The following MACO1 variants were observed in gnomAD, a reference collection of about 807,000 sequenced individuals.
The protein encoded by MACO1 is macoilin 1, also known as macoilin.
A neutral mutation model predicts 78.7 loss-of-function variants in MACO1; 14 were observed. The ratio of observed to expected loss-of-function variants is 0.18; its 90% confidence interval spans 0.12 to 0.28. MACO1 has a LOEUF of 0.28. Ranked by LOEUF, MACO1 falls within the 10% of genes least tolerant of loss-of-function variation. The pLI is 1.00. For missense variants in MACO1, 501 were observed against 799.0 expected (o/e 0.63, Z 4.50); for synonymous variants, 288 against 291.6 (o/e 0.99, Z 0.12).
chr1:25,497,855 C>T lies in MACO1; in HGVS notation c.1793-409C>T, dbSNP rs533993500. ...CGCCAGCCCTCTTACGCTGTCATAGCTGACTGCCATGTTCAAAACGTGGTT... is the reference window on the plus strand; with the variant it reads ...CGCCAGCCCTCTTACGCTGTCATAGTTGACTGCCATGTTCAAAACGTGGTT... On this transcript the variant is annotated intron_variant, in intron 10 of 10. Coordinates refer to ENST00000374343, the MANE Select transcript of MACO1 (RefSeq NM_018202.6). 3.3e-5 allele frequency among the ~76,000 whole-genome samples: 5 copies of T among 152,340 alleles called. No homozygotes were observed. The East Asian group carries it at 9.6e-4, about 29-fold the overall frequency.
chr1:25,493,207 A>G lies in MACO1; in HGVS notation c.1792+1623A>G, dbSNP rs534942831. On this transcript the variant is annotated intron_variant, in intron 10 of 10. Coordinates refer to ENST00000374343, the MANE Select transcript of MACO1 (RefSeq NM_018202.6). Reference sequence around the variant, plus strand: ...TATTTCAAGTGGATTATATCTATCAATATTTACCTACTAGAAATTAAAACT... The same window carrying G: ...TATTTCAAGTGGATTATATCTATCAGTATTTACCTACTAGAAATTAAAACT... Among the ~76,000 whole-genome samples the G allele has an allele frequency of 3.9e-5, 6 of 152,284 alleles. No individual in the cohort carries two copies. In the East Asian group the frequency reaches 1.2e-3, roughly 29 times the overall value.
At chr1:25,492,461 A>G (rs1402159600) in intron 10 of MACO1, among the ~76,000 whole-genome samples, 1 of 152,098 alleles carries the variant, frequency 6.6e-6, no homozygotes, top group Non-Finnish European at 1.5e-5. Context: ...TGAGCCGTGT[A>G]AAGAGCTGGA....
intron 6 of MACO1, among the ~76,000 whole-genome samples, chr1:25,479,949 A>G (rs1342279165): frequency 2.0e-5 from 3 of 152,220 alleles, no homozygotes; most frequent in Non-Finnish European, 4.4e-5. Flanking sequence ...ATAGAAAAAA[A>G]CATACAGAAA....
chr1:25,467,146 T>C (rs1166014988), intron 6 of MACO1, among the ~76,000 whole-genome samples: 1 of 152,094 alleles, frequency 6.6e-6, no homozygotes, highest in Admixed American at 6.5e-5. Flanking sequence ...TAACCCCAGC[T>C]ACTTGGGAAG....
chr1:25,491,547 A>G lies in MACO1; in HGVS notation c.1755A>G (p.Ala585=). The G allele has an allele frequency of 6.2e-7, 1 of 1,614,234 alleles. No homozygotes were observed. The highest frequency in any genetic ancestry group is 8.5e-7 in the Non-Finnish European group (1 of 1,180,044). ...GAATCAAGCTGGACCTGTTCTCCGCACTGGGCGATGCAAAGCGGCAGCTCG... is the reference window on the plus strand; with the variant it reads ...GAATCAAGCTGGACCTGTTCTCCGCGCTGGGCGATGCAAAGCGGCAGCTCG... ...ETRIKLDLFS[A]LGDAKRQLEI... Residue 585 remains alanine, a synonymous_variant, in exon 10 of 11, where the codon GCA becomes GCG. Coordinates refer to ENST00000374343, the MANE Select transcript of MACO1 (RefSeq NM_018202.6).
At chr1:25,432,405 C>A (rs1284894123) in intron 1 of MACO1, among the ~76,000 whole-genome samples, 2 of 152,132 alleles carry the variant, frequency 1.3e-5, no homozygotes, top group African/African-American at 4.8e-5. Context: ...TGGGTATATT[C>A]TTATAAAATG....
chr1:25,458,567 C>G lies in MACO1; in HGVS notation c.829C>G (p.Gln277Glu). The G allele has an allele frequency of 6.2e-7, 1 of 1,613,836 alleles. No homozygotes were observed. Among genetic ancestry groups the G allele is most frequent in the Non-Finnish European group, 8.5e-7 (1 of 1,179,954 alleles). Residue 277 changes from glutamine (Q) to glutamate (E), a missense_variant, in exon 6 of 11, where the codon CAA becomes GAA. Transcript: ENST00000374343. ...TGGAATAAATAACAACAATATTCTACAACCTGTAGACTCTAAAATACAAGA... is the reference window on the plus strand; with the variant it reads ...TGGAATAAATAACAACAATATTCTAGAACCTGTAGACTCTAAAATACAAGA... Reference protein sequence around the residue: ...NLGINNNNILQPVDSKIQEIE... With the variant: ...NLGINNNNILEPVDSKIQEIE...
intron 1 of MACO1, among the ~76,000 whole-genome samples, chr1:25,435,609 T>C (rs1453917663): frequency 1.3e-5 from 2 of 152,212 alleles, no homozygotes; most frequent in Non-Finnish European, 2.9e-5. Flanking sequence ...GTCATGACCC[T>C]TGGCTGCCTT....
chr1:25,489,813 T>G (rs1487362694), intron 9 of MACO1, among the ~76,000 whole-genome samples: 1 of 152,148 alleles, frequency 6.6e-6, no homozygotes, highest in East Asian at 1.9e-4. Context: ...AAAGTTACAG[T>G]AATTTGAGCC....
Position 25,498,354 on chromosome 1 carries a change from C to G in MACO1, c.1883C>G (p.Ala628Gly), listed in dbSNP as rs140493051. 1.9e-6 allele frequency: 3 copies of G among 1,613,970 alleles called. No homozygotes were observed. The highest frequency in any genetic ancestry group is 2.7e-5 in the African/African-American group (2 of 74,896). The change falls in exon 11 of 11, where the codon GCC becomes GGC. Residue 628 changes from alanine (A) to glycine (G), a missense_variant. Coordinates refer to ENST00000374343, the MANE Select transcript of MACO1 (RefSeq NM_018202.6). ...GTCATGCCCAGCATAACATACAGTG[C>G]CGCCACCAGCCCCCTGAGCCCTGTT... is the stretch of plus-strand genomic sequence containing the variant. ...MAVMPSITYS[A>G]ATSPLSPVSP...
chr1:25,491,475 G>T lies in MACO1; in HGVS notation c.1683G>T (p.Met561Ile). The T allele has an allele frequency of 6.2e-7, 1 of 1,614,260 alleles. No homozygotes were observed. The highest frequency in any genetic ancestry group is 8.5e-7 in the Non-Finnish European group (1 of 1,180,046). Reference protein sequence around the residue: ...TEVLMSALSAMQDKTQHLENS... With the variant: ...TEVLMSALSAIQDKTQHLENS... ...TGTTAATGTCAGCCCTCTCAGCCAT[G>T]CAAGACAAAACACAGCACCTGGAGA... is the stretch of plus-strand genomic sequence containing the variant. Residue 561 changes from methionine (M) to isoleucine (I), a missense_variant, in exon 10 of 11, where the codon ATG (methionine) becomes ATT (isoleucine). By Grantham distance (10) the Met-to-Ile change is conservative. Coordinates refer to ENST00000374343, the MANE Select transcript of MACO1 (RefSeq NM_018202.6).
chr1:25,469,482 T>TA (rs1234458290), intron 6 of MACO1, among the ~76,000 whole-genome samples: 1 of 152,166 alleles, frequency 6.6e-6, no homozygotes, highest in African/African-American at 2.4e-5. Flanking sequence ...TAGCAAATGT[T>TA]AAAAACGATC....
chr1:25,485,901 C>A lies in MACO1; in HGVS notation c.1496+106C>A. On this transcript the variant is annotated intron_variant, in intron 8 of 10. Transcript: ENST00000374343. The surrounding 1 kb of genome is among the most constrained non-coding windows in gnomAD (Gnocchi z 4.3). Reference sequence around the variant, plus strand: ...CAGGATTGGACGTACAGCAATCATGCACGGATGGATTGCTTTTAAGTACTG... The same window carrying A: ...CAGGATTGGACGTACAGCAATCATGAACGGATGGATTGCTTTTAAGTACTG... The A allele has an allele frequency of 8.1e-7, 1 of 1,236,340 alleles. No individual in the cohort carries two copies. Among genetic ancestry groups the A allele is most frequent in the East Asian group, 2.3e-5 (1 of 42,880 alleles). 76.6% of individuals were successfully genotyped at this position (1,236,340 alleles called of 1,614,324 possible). A position where few individuals can be genotyped will look rare whatever the true frequency, so the allele number is the denominator to read the frequency against.
intron 3 of MACO1, 44 bp from the exon 4 acceptor site, chr1:25,454,215 C>G: frequency 1.3e-6 from 2 of 1,523,760 alleles, no homozygotes. Flanking sequence ...CTGTTAGTTA[C>G]TATATCGTTT....
At chr1:25,486,139 T>G (rs1418908755) in intron 8 of MACO1, among the ~76,000 whole-genome samples, 1 of 152,224 alleles carries the variant, frequency 6.6e-6, no homozygotes, top group Non-Finnish European at 1.5e-5. Flanking sequence ...GGAAGTTCGT[T>G]CCCTTTAGAG....
rs1043262161 is a variant in MACO1, at chr1:25,476,746, C to T, written c.1155-7370C>T. Among the ~76,000 whole-genome samples the T allele has an allele frequency of 4.6e-5, 7 of 152,168 alleles. No homozygotes were observed. The South Asian group carries it at 1.2e-3, about 27-fold the overall frequency. On this transcript the variant is annotated intron_variant, in intron 6 of 10. Transcript: ENST00000374343. ...ACTCCTAATGGAACTAGGTACTAAT[C>T]GAGATGAAGCAGTTGCTCTTCATTA...
At chr1:25,446,221 CATTTGGTTTTT>C (rs1423912867) in intron 1 of MACO1, among the ~76,000 whole-genome samples, 1 of 151,992 alleles carries the variant, frequency 6.6e-6, no homozygotes, top group African/African-American at 2.4e-5. Context: ...TTGGGGAAGT[CATTTGGTTTTT>C]GTTTGGTTAA....
In MACO1 at chr1:25,430,998, A is replaced by G; in HGVS notation, c.-101A>G. 2 of 690,034 alleles carry G rather than the reference A, an allele frequency of 2.9e-6. No individual in the cohort carries two copies. Among genetic ancestry groups the G allele is most frequent in the Non-Finnish European group, 2.1e-6 (1 of 481,938 alleles). The allele number at this position is 690,034 out of a possible 1,614,324, so 42.7% of individuals were successfully genotyped here. ...GCTCCATGTCTGTGTGACCGGCCTCAGGGGTAGAGTCCAGGCCCGACGCGG... is the reference window on the plus strand; with the variant it reads ...GCTCCATGTCTGTGTGACCGGCCTCGGGGGTAGAGTCCAGGCCCGACGCGG... On this transcript the variant is annotated 5_prime_UTR_variant, in exon 1 of 11. Coordinates refer to ENST00000374343, the MANE Select transcript of MACO1 (RefSeq NM_018202.6).
chr1:25,431,690 C>A (rs2042873132), intron 1 of MACO1, among the ~76,000 whole-genome samples: 1 of 152,156 alleles, frequency 6.6e-6, no homozygotes, highest in East Asian at 1.9e-4. Context: ...AAGCTGCCAG[C>A]ATACTGGCCT....
Sources: allele counts gnomAD v4.1 joint callset (sites outside exome capture counted in the v4.1 genomes callset), GRCh38; gene constraint gnomAD v4.1.1; non-coding constraint Gnocchi (gnomAD v3.1); transcripts MANE v1.5; gene names NCBI Gene and HGNC (gene_info 2026-07-23, HGNC 2026-07-21).